COL19A1: variants seen among roughly 807,000 people sequenced by gnomAD.
The protein encoded by COL19A1 is collagen alpha-1(XIX) chain.
Under a neutral mutation model 190.2 loss-of-function variants are expected in COL19A1, and 159 were observed. The observed-to-expected ratio is 0.84, with a 90% confidence interval of 0.73 to 0.95. The LOEUF (loss-of-function observed/expected upper bound fraction) is 0.95, where lower values mean the gene tolerates loss of function less well. Among genes scored for constraint, COL19A1 ranks in the 40% least tolerant of loss-of-function variants. The pLI, the probability that COL19A1 is intolerant of heterozygous loss-of-function variation, is 0.00. For synonymous variants in COL19A1, 509 were observed against 458.9 expected, an observed-to-expected ratio of 1.11 and a Z score of -1.39; for missense variants, 1,418 against 1,431.9, an observed-to-expected ratio of 0.99 and a Z score of 0.16.
At chr6:70,074,096 A>C (rs1023486704) in intron 15 of COL19A1, among the ~76,000 whole-genome samples, 1 of 152,198 alleles carries the variant, frequency 6.6e-6, no homozygotes, top group Non-Finnish European at 1.5e-5. Flanking sequence ...ATATTTTTCA[A>C]GTGAAATTGT....
intron 14 of COL19A1, among the ~76,000 whole-genome samples, chr6:70,066,474 G>A (rs1042669979): frequency 5.3e-5 from 8 of 152,066 alleles, no homozygotes; most frequent in Non-Finnish European, 1.2e-4. Context: ...GGGAGGGATA[G>A]CATTGGGAGA....
rs149378496 is a variant in COL19A1 at position 70,203,391 on chromosome 6, G to A, written c.3224-3510G>A. Among the ~76,000 whole-genome samples, 281 of 152,294 alleles carry A rather than the reference G, an allele frequency of 1.8e-3. 1 individual carries two copies. The highest frequency in any genetic ancestry group is 2.6e-3 in the Non-Finnish European group (177 of 68,024). The stretch of plus-strand genomic sequence containing the variant: ...AATTGATCATACATACTGTTTGTAG[G>A]AAGCACTTGTGATGTATAGATTTGA... On this transcript the variant is annotated intron_variant, in intron 49 of 50. Coordinates refer to ENST00000620364, the MANE Select transcript of COL19A1 (RefSeq NM_001858.6).
Position 70,156,493 on chromosome 6 carries a change from T to C in COL19A1, c.2238+124T>C, listed in dbSNP as rs1187127998. The C allele has an allele frequency of 1.4e-5, 14 of 987,180 alleles. No individual in the cohort carries two copies. In the East Asian group the frequency reaches 3.7e-4, roughly 26 times the overall value. The allele number at this position is 987,180 out of a possible 1,614,324, so 61.2% of individuals were successfully genotyped here. On this transcript the variant is annotated intron_variant, in intron 33 of 50. Transcript: ENST00000620364. ...ATATATATATATGTATGTATGTATA[T>C]GGAGAGAGAGAGAGAGAGAGAAAGT...
intron 4 of COL19A1, among the ~76,000 whole-genome samples, chr6:69,913,132 C>A (rs1354114723): frequency 6.6e-6 from 1 of 152,112 alleles, no homozygotes; most frequent in Non-Finnish European, 1.5e-5. Flanking sequence ...GCAATTCTCT[C>A]TGTTATCCTC....
chr6:69,921,286 TATATC>T (rs1301473830), intron 4 of COL19A1, among the ~76,000 whole-genome samples: 1 of 132,040 alleles, frequency 7.6e-6, no homozygotes, highest in Non-Finnish European at 1.5e-5. Context: ...TCATATATCA[TATATC>T]ATATATATCA....
intron 9 of COL19A1, among the ~76,000 whole-genome samples, chr6:69,959,130 G>T (rs1258394673): frequency 6.6e-6 from 1 of 152,096 alleles, no homozygotes; most frequent in Non-Finnish European, 1.5e-5. Context: ...TCTCATTCTA[G>T]CCTGTGTGCT....
intron 4 of COL19A1, among the ~76,000 whole-genome samples, chr6:69,902,403 T>C (rs1770248451): frequency 6.6e-6 from 1 of 152,176 alleles, no homozygotes; most frequent in Admixed American, 6.5e-5. Flanking sequence ...CTAATGAGTA[T>C]GTTGGTCTGA....
rs1471429156 is a variant in COL19A1 at position 70,163,334 on chromosome 6, G to T, written c.2347-9G>T. ...GTTTCTGTAACAAACTTAGTTTTGT[G>T]TTTTACAGGGCTTAATGGGAAGAAC... is the stretch of plus-strand genomic sequence containing the variant. On this transcript the variant is annotated splice_polypyrimidine_tract_variant and intron_variant, in intron 35 of 50. Transcript: ENST00000620364. 3 of 1,611,396 alleles carry T rather than the reference G, an allele frequency of 1.9e-6. No individual in the cohort carries two copies. The South Asian group carries it at 3.3e-5, about 18-fold the overall frequency.
At chr6:69,906,563 A>G (rs1191690748) in intron 4 of COL19A1, among the ~76,000 whole-genome samples, 1 of 152,174 alleles carries the variant, frequency 6.6e-6, no homozygotes, top group Non-Finnish European at 1.5e-5. Context: ...AGTGTCTAAG[A>G]ATGAGGGGAA....
chr6:69,918,533 C>CA (rs1222383260), intron 4 of COL19A1, among the ~76,000 whole-genome samples: 1 of 151,894 alleles, frequency 6.6e-6, no homozygotes, highest in Non-Finnish European at 1.5e-5. Context: ...TCCATCTCTA[C>CA]AAAAAAATAA....
At chr6:70,153,506 A>C (rs1486917120) in intron 31 of COL19A1, among the ~76,000 whole-genome samples, 1 of 152,180 alleles carries the variant, frequency 6.6e-6, no homozygotes, top group Non-Finnish European at 1.5e-5. Flanking sequence ...TAAATTTGCC[A>C]TTCTGGTAAC....
chr6:69,890,427 C>A (rs1222388955), intron 2 of COL19A1: 2 of 152,214 alleles, frequency 1.3e-5, no homozygotes. Flanking sequence ...TACATTCAAT[C>A]CCTTATCATC....
chr6:70,183,044 G>T (rs2150288614), intron 44 of COL19A1, among the ~76,000 whole-genome samples: 1 of 152,192 alleles, frequency 6.6e-6, no homozygotes, highest in South Asian at 2.1e-4. Context: ...CCAAGTGTGA[G>T]GAGTGGGGAG....
rs1343047267 is a variant in COL19A1 at position 69,983,019 on chromosome 6, AATAT to A, written c.1026+20151_1026+20154del. Among the ~76,000 whole-genome samples the A allele has an allele frequency of 2.6e-3, 381 of 149,066 alleles. 2 individuals carry two copies. Among genetic ancestry groups the A allele is most frequent in the African/African-American group, 3.9e-3 (157 of 40,508 alleles). On this transcript the variant is annotated intron_variant, in intron 11 of 50. Transcript: ENST00000620364. ...AAATAAATAAATAAATAAATAAATA[AATAT>A]AAAATAAAATCAACATGCCAATTTC...
intron 25 of COL19A1, 137 bp from the exon 26 acceptor site, chr6:70,146,522 C>T (rs968092190): frequency 1.4e-5 from 7 of 500,124 alleles, no homozygotes; most frequent in African/African-American, 8.0e-5. Context: ...AATTTTTACT[C>T]CCCGTTCCTT....
chr6:70,112,385 A>G (rs1784331006), intron 16 of COL19A1, among the ~76,000 whole-genome samples: 1 of 152,254 alleles, frequency 6.6e-6, no homozygotes, highest in East Asian at 1.9e-4. Flanking sequence ...TGCTCCTTAT[A>G]TTGCAGGACA....
At chr6:70,052,685 G>A (rs1780273519) in intron 14 of COL19A1, among the ~76,000 whole-genome samples, 1 of 152,100 alleles carries the variant, frequency 6.6e-6, no homozygotes, top group African/African-American at 2.4e-5. Flanking sequence ...AAAATGTCAA[G>A]GGTCACTCTG....
chr6:70,090,639 A>T (rs1253744406), intron 15 of COL19A1, among the ~76,000 whole-genome samples: 1 of 152,186 alleles, frequency 6.6e-6, no homozygotes, highest in Non-Finnish European at 1.5e-5. Flanking sequence ...AATTAGTTCT[A>T]TTGAGCTTCT....
intron 14 of COL19A1, among the ~76,000 whole-genome samples, chr6:70,057,852 G>A (rs1183982248): frequency 6.6e-6 from 1 of 152,062 alleles, no homozygotes; most frequent in Non-Finnish European, 1.5e-5. Context: ...TGCTGCAGAA[G>A]TACCAAGAGA....
Sources: allele counts gnomAD v4.1 joint callset (sites outside exome capture counted in the v4.1 genomes callset), GRCh38; gene constraint gnomAD v4.1.1; transcripts MANE v1.5; gene names NCBI Gene and HGNC (gene_info 2026-07-23, HGNC 2026-07-21).